The following LUZP2 variants were observed in gnomAD, a reference collection of about 807,000 sequenced individuals.
LUZP2 encodes the protein leucine zipper protein 2.
LUZP2 carries 52 observed loss-of-function variants against 51.6 expected under a neutral mutation model. The observed-to-expected ratio is 1.01, with a 90% CI of 0.81 to 1.27. The LOEUF (loss-of-function observed/expected upper bound fraction) is 1.27, where lower values mean the gene tolerates loss of function less well. Among genes scored for constraint, LUZP2 ranks in the 50% most tolerant of loss-of-function variants. The pLI, the probability that LUZP2 is intolerant of heterozygous loss-of-function variation, is 0.00. For synonymous variants in LUZP2, 154 were observed against 137.3 expected (o/e 1.12, Z -0.85); for missense variants, 436 against 395.4 (o/e 1.10, Z -0.87).
chr11:24,865,911 G>A (rs536040915), intron 5 of LUZP2, among the ~76,000 whole-genome samples: 2 of 151,844 alleles, frequency 1.3e-5, no homozygotes, highest in South Asian at 2.1e-4. Flanking sequence ...CCAGGTTCAA[G>A]CAATTCTCCT....
At chr11:24,599,907 A>G (rs747735073) in intron 1 of LUZP2, among the ~76,000 whole-genome samples, 1 of 152,150 alleles carries the variant, frequency 6.6e-6, no homozygotes, top group Non-Finnish European at 1.5e-5. Context: ...ATTTTCACAC[A>G]TAAGCATGGG....
At chr11:25,030,891 T>A (rs12224058) in intron 9 of LUZP2, among the ~76,000 whole-genome samples, 21,323 of 37,024 alleles carry the variant, frequency 0.58, 4,810 homozygotes, top group East Asian at 0.79. Context: ...ACTATATATA[T>A]TATATATATA....
At chr11:24,656,261 C>A (rs1855799444) in intron 1 of LUZP2, among the ~76,000 whole-genome samples, 1 of 151,988 alleles carries the variant, frequency 6.6e-6, no homozygotes, top group South Asian at 2.1e-4. Flanking sequence ...TATCTCCATT[C>A]TATCAATTTT....
At chr11:24,721,577 C>A (rs1858272141) in intron 1 of LUZP2, among the ~76,000 whole-genome samples, 1 of 152,036 alleles carries the variant, frequency 6.6e-6, no homozygotes, top group African/African-American at 2.4e-5. Flanking sequence ...TCAAAAGATT[C>A]TAAATGTAAG....
intron 1 of LUZP2, among the ~76,000 whole-genome samples, chr11:24,603,446 C>A (rs1197636954): frequency 2.0e-5 from 3 of 151,698 alleles, no homozygotes; most frequent in Admixed American, 6.6e-5. Context: ...TGAATATCAT[C>A]CAAGTGAGAA....
intron 1 of LUZP2, among the ~76,000 whole-genome samples, chr11:24,610,859 CA>C (rs1257191766): frequency 1.3e-5 from 2 of 152,122 alleles, no homozygotes; most frequent in East Asian, 3.9e-4. Context: ...GCACAAGAAT[CA>C]TTTGAACCCA....
intron 9 of LUZP2, among the ~76,000 whole-genome samples, chr11:24,988,334 T>C (rs1300953479): frequency 1.3e-5 from 2 of 151,988 alleles, no homozygotes; most frequent in African/African-American, 2.4e-5. Flanking sequence ...AGAACATGAA[T>C]AGCATTAGAA....
intron 1 of LUZP2, among the ~76,000 whole-genome samples, chr11:24,580,711 C>T (rs180991233): frequency 1.4e-4 from 21 of 152,156 alleles, no homozygotes; most frequent in African/African-American, 4.6e-4. Context: ...ACTTAATGAG[C>T]CTCTCTAATT....
At chr11:24,991,781 A>G (rs1856353979) in intron 9 of LUZP2, among the ~76,000 whole-genome samples, 1 of 151,982 alleles carries the variant, frequency 6.6e-6, no homozygotes, top group Non-Finnish European at 1.5e-5. Flanking sequence ...GTAAGGAGGT[A>G]TTGCATTGTG....
intron 9 of LUZP2, among the ~76,000 whole-genome samples, chr11:25,031,849 T>C (rs1324935596): frequency 1.2e-4 from 19 of 152,200 alleles, no homozygotes; most frequent in Admixed American, 1.2e-3. Flanking sequence ...GTATAAGTTA[T>C]TTATAAGTAC....
chr11:24,928,305 T>G (rs1203103161), intron 7 of LUZP2, among the ~76,000 whole-genome samples: 1 of 152,076 alleles, frequency 6.6e-6, no homozygotes. Context: ...GACACCCTCG[T>G]TTTGTTCCAG....
At chr11:24,993,872 G>C (rs1046037911) in intron 9 of LUZP2, among the ~76,000 whole-genome samples, 12 of 151,032 alleles carry the variant, frequency 7.9e-5, no homozygotes, top group Non-Finnish European at 1.6e-4. Flanking sequence ...TTTGGGGGGG[G>C]TGTGGGGGAA....
chr11:24,536,306 C>G (rs1851176100), intron 1 of LUZP2, among the ~76,000 whole-genome samples: 1 of 151,778 alleles, frequency 6.6e-6, no homozygotes, highest in African/African-American at 2.4e-5. Flanking sequence ...ATCTTTGAAA[C>G]CAAGCATTGA....
Position 24,700,056 on chromosome 11 carries a change from C to CTTTT in LUZP2, c.63-29093_63-29090dup, listed in dbSNP as rs762849302. Among the ~76,000 whole-genome samples the CTTTT allele has an allele frequency of 1.4e-3, 134 of 95,972 alleles. 1 individual carries two copies. Among genetic ancestry groups the CTTTT allele is most frequent in the African/African-American group, 1.6e-3 (40 of 24,302 alleles). The allele number at this position is 95,972 out of a possible 152,430, so 63.0% of individuals were successfully genotyped here. A position where few individuals can be genotyped will look rare whatever the true frequency, so the allele number is the denominator to read the frequency against. On this transcript the variant is annotated intron_variant, in intron 1 of 11. Transcript: ENST00000336930. ...ATTACTCTATGCCTATTTTCCTCAA[C>CTTTT]TTTTTTTTTTTTTTTTTTTTTTTGA...
chr11:24,876,582 C>T (rs1032734212), intron 5 of LUZP2, among the ~76,000 whole-genome samples: 3 of 149,324 alleles, frequency 2.0e-5, no homozygotes, highest in Non-Finnish European at 4.4e-5. Context: ...GCGATGCGGG[C>T]TCTTTTTTGG....
chr11:24,624,592 A>G (rs531346901), intron 1 of LUZP2, among the ~76,000 whole-genome samples: 3 of 152,168 alleles, frequency 2.0e-5, no homozygotes, highest in Non-Finnish European at 4.4e-5. Context: ...GCTCTTGGTA[A>G]TGGCGAGAGG....
chr11:24,648,599 A>G (rs904019075), intron 1 of LUZP2, among the ~76,000 whole-genome samples: 1 of 151,950 alleles, frequency 6.6e-6, no homozygotes, highest in African/African-American at 2.4e-5. Context: ...TACAAATGGA[A>G]CCATAAGCCA....
intron 3 of LUZP2, among the ~76,000 whole-genome samples, chr11:24,735,577 T>C (rs144848435): frequency 6.6e-6 from 1 of 151,964 alleles, no homozygotes; most frequent in African/African-American, 2.4e-5. Context: ...TGATCTGTGA[T>C]GTTATTAAAA....
rs560441250 is a variant in LUZP2, at chr11:25,080,765, G to T, written c.*2107G>T. On this transcript the variant is annotated 3_prime_UTR_variant, in exon 12 of 12. Transcript: ENST00000336930. ...TCCACCCTGGGGCCCAACTTCCCTT[G>T]CAGGCCTTGTGGGTCCTATAGAAAG... The T allele has an allele frequency of 1.3e-5, 2 of 152,050 alleles. No individual in the cohort carries two copies. Among genetic ancestry groups the T allele is most frequent in the East Asian group, 3.9e-4 (2 of 5,132 alleles). 9.4% of individuals were successfully genotyped at this position (152,050 alleles called of 1,614,324 possible). A position where few individuals can be genotyped will look rare whatever the true frequency, so the allele number is the denominator to read the frequency against.
Sources: gnomAD v4.1 joint callset for allele counts (sites outside exome capture counted in the v4.1 genomes callset) on GRCh38, gnomAD v4.1.1 for gene constraint, MANE v1.5 for transcripts, NCBI Gene and HGNC (gene_info 2026-07-23, HGNC 2026-07-21) for gene names.